Variants in RGS8 observed in about 807,000 individuals in gnomAD.
The protein encoded by RGS8 is regulator of G-protein signaling 8.
In RGS8, 8 loss-of-function variants were observed where a neutral mutation model predicts 21.7. The ratio of observed to expected loss-of-function variants is 0.37; its 90% CI spans 0.22 to 0.66. The LOEUF is 0.66. RGS8 is among the 30% of genes least tolerant of loss of function. The probability of loss-of-function intolerance (pLI) is 0.59; values close to 1 mark genes in which losing one functional copy is unlikely to be tolerated. For missense variants in RGS8, 157 were observed against 217.9 expected (o/e 0.72, Z 1.76); for synonymous variants, 80 against 83.6 (o/e 0.96, Z 0.24).
intron 1 of RGS8, among the ~76,000 whole-genome samples, chr1:182,678,618 A>T (rs1298414810): frequency 6.6e-6 from 1 of 152,126 alleles, no homozygotes; most frequent in East Asian, 1.9e-4. Context: ...CTTTGTTCCC[A>T]CTGCTGAGCT....
chr1:182,716,555 T>C, the RGS8 span, among the ~76,000 whole-genome samples: 1 of 152,118 alleles, frequency 6.6e-6, no homozygotes. Flanking sequence ...AGGCCAAGTG[T>C]ATACATTTTT....
the RGS8 span, among the ~76,000 whole-genome samples, chr1:182,711,021 A>G: frequency 6.6e-6 from 1 of 152,186 alleles, no homozygotes; most frequent in Non-Finnish European, 1.5e-5. Flanking sequence ...AGGCACAAAG[A>G]TGCCGGCAAA....
upstream of RGS8, chr1:182,672,997 G>A (rs1184388963): frequency 4.0e-6 from 3 of 753,756 alleles, no homozygotes; most frequent in African/African-American, 5.2e-5. Context: ...CAGAAACTCT[G>A]GGGACAGTAA....
upstream of RGS8, among the ~76,000 whole-genome samples, chr1:182,685,861 C>T (rs1207913129): frequency 3.3e-5 from 5 of 152,100 alleles, no homozygotes; most frequent in Admixed American, 1.3e-4. Context: ...GATGCAGTGA[C>T]GACTAAGACC....
intron 1 of RGS8, among the ~76,000 whole-genome samples, chr1:182,681,669 G>A (rs1426020401): frequency 1.3e-5 from 2 of 152,236 alleles, no homozygotes; most frequent in Non-Finnish European, 2.9e-5. Context: ...TGGGAACTGA[G>A]AGCACTCAGT....
intron 5 of RGS8, among the ~76,000 whole-genome samples, chr1:182,663,934 T>C (rs189302402): frequency 6.6e-6 from 1 of 152,306 alleles, no homozygotes; most frequent in Admixed American, 6.5e-5. Context: ...GCCTCTAAAA[T>C]GCTGGAATTA....
chr1:182,671,456 T>C (rs993288105), intron 2 of RGS8, among the ~76,000 whole-genome samples: 1 of 151,898 alleles, frequency 6.6e-6, no homozygotes, highest in African/African-American at 2.4e-5. Flanking sequence ...TGAGACATAA[T>C]GGGAAGACAG....
chr1:182,707,327 C>T, the RGS8 span, among the ~76,000 whole-genome samples: 967 of 152,304 alleles, frequency 6.3e-3, 9 homozygotes, highest in Non-Finnish European at 0.01. Context: ...AGGAACATGG[C>T]CTTCTGCCCA....
At chr1:182,669,036 A>T (rs1361087474) in intron 3 of RGS8, among the ~76,000 whole-genome samples, 2 of 152,248 alleles carry the variant, frequency 1.3e-5, no homozygotes, top group African/African-American at 4.8e-5. Context: ...AAGCCATTTA[A>T]CAAGGTTTAG....
At chr1:182,710,016 G>T in the RGS8 span, among the ~76,000 whole-genome samples, 1 of 152,088 alleles carries the variant, frequency 6.6e-6, no homozygotes, top group African/African-American at 2.4e-5. Context: ...TTTCACTAAG[G>T]TTTCACATTT....
At chr1:182,694,142 A>C in the RGS8 span, among the ~76,000 whole-genome samples, 1 of 152,180 alleles carries the variant, frequency 6.6e-6, no homozygotes, top group Non-Finnish European at 1.5e-5. Flanking sequence ...GGAAAGAAAA[A>C]AAAAAAAGAA....
the RGS8 span, among the ~76,000 whole-genome samples, chr1:182,724,703 G>A: frequency 2.7e-3 from 413 of 152,042 alleles, 1 homozygote; most frequent in African/African-American, 8.8e-3. Flanking sequence ...GATTACAGGC[G>A]CCTGCCACCA....
At chr1:182,682,444 TTCC>T (rs1264163403) in intron 1 of RGS8, among the ~76,000 whole-genome samples, 1 of 152,158 alleles carries the variant, frequency 6.6e-6, no homozygotes, top group African/African-American at 2.4e-5. Flanking sequence ...CTGGCTGAAC[TTCC>T]TCGAGTTTTT....
At chr1:182,747,550 C>T in the RGS8 span, among the ~76,000 whole-genome samples, 1 of 152,154 alleles carries the variant, frequency 6.6e-6, no homozygotes, top group Non-Finnish European at 1.5e-5. Flanking sequence ...AACCACTTCA[C>T]TCAGAAATGA....
rs748158601 is a variant in RGS8, at chr1:182,666,990, G to C, written c.27-17C>G. The stretch of plus-strand genomic sequence containing the variant: ...CCTTTGTTCCTGCAACAAGCACAGG[G>C]GCAGAAGGACGGGGAAACTCTCATG... On this transcript the variant is annotated splice_polypyrimidine_tract_variant and intron_variant, in intron 3 of 6. Coordinates refer to ENST00000483095, the Ensembl canonical transcript of RGS8. The C allele has an allele frequency of 1.9e-6, 3 of 1,594,576 alleles. No individual in the cohort carries two copies. Among genetic ancestry groups the C allele is most frequent in the South Asian group, 2.2e-5 (2 of 90,720 alleles).
At chr1:182,682,523 A>T (rs1272926393) in intron 1 of RGS8, among the ~76,000 whole-genome samples, 2 of 152,176 alleles carry the variant, frequency 1.3e-5, no homozygotes, top group Non-Finnish European at 2.9e-5. Flanking sequence ...CATGTGGGCA[A>T]GTACCTGGCA....
chr1:182,722,404 A>G, the RGS8 span, among the ~76,000 whole-genome samples: 1 of 150,738 alleles, frequency 6.6e-6, no homozygotes, highest in African/African-American at 2.4e-5. Context: ...GACTCAGAAT[A>G]ACAGAAAATT....
At chr1:182,651,043 AG>A (rs1208058464) in intron 5 of RGS8, among the ~76,000 whole-genome samples, 2 of 152,224 alleles carry the variant, frequency 1.3e-5, no homozygotes, top group Non-Finnish European at 2.9e-5. Context: ...AGGTCTGCTC[AG>A]GGCACCTCCT....
chr1:182,705,968 T>C, the RGS8 span, among the ~76,000 whole-genome samples: 3 of 152,148 alleles, frequency 2.0e-5, no homozygotes, highest in African/African-American at 7.2e-5. Context: ...GTTTTGGAGA[T>C]GCAACTTTTT....
Sources: gnomAD v4.1 joint callset for allele counts (sites outside exome capture counted in the v4.1 genomes callset) on GRCh38, gnomAD v4.1.1 for gene constraint, MANE v1.5 for transcripts, NCBI Gene and HGNC (gene_info 2026-07-23, HGNC 2026-07-21) for gene names.